IGFBP2: variants seen among roughly 807,000 people sequenced by gnomAD.
IGFBP2 encodes the protein insulin like growth factor binding protein 2, also known as insulin-like growth factor-binding protein 2.
A neutral mutation model predicts 26.2 loss-of-function variants in IGFBP2; 12 were observed. That is an observed-to-expected ratio of 0.46 (90% confidence interval 0.29 to 0.74). IGFBP2 has a LOEUF of 0.74. IGFBP2 is among the 30% of genes least tolerant of loss of function. IGFBP2 has a pLI of 0.09. For missense variants in IGFBP2, 328 were observed against 441.2 expected, an observed-to-expected ratio of 0.74 and a Z score of 2.30; for synonymous variants, 189 against 200.6, an observed-to-expected ratio of 0.94 and a Z score of 0.49.
chr2:216,646,687 C>A (rs760268217), intron 1 of IGFBP2, among the ~76,000 whole-genome samples: 65 of 152,176 alleles, frequency 4.3e-4, no homozygotes, highest in Non-Finnish European at 8.1e-4. Flanking sequence ...TGGTGGCAGA[C>A]AAGAGAGCTT....
Position 216,659,657 on chromosome 2 carries a change from C to A in IGFBP2, c.443-900C>A, listed in dbSNP as rs1697993929. The A allele has an allele frequency of 8.6e-6, 12 of 1,394,154 alleles. No homozygotes were observed. The Admixed American group carries it at 2.4e-4, about 27-fold the overall frequency. The allele number at this position is 1,394,154 out of a possible 1,614,324, so 86.4% of individuals were successfully genotyped here. A position where few individuals can be genotyped will look rare whatever the true frequency, so the allele number is the denominator to read the frequency against. On this transcript the variant is annotated intron_variant, in intron 1 of 3. Coordinates refer to ENST00000233809, the MANE Select transcript of IGFBP2 (RefSeq NM_000597.3). The stretch of plus-strand genomic sequence containing the variant: ...GGAGCTGTTTTCAAGGCCTCCTTCA[C>A]CTAGGCTGTGCATACAAAAGGTTGA...
chr2:216,661,101 C>CT (rs959568875), intron 2 of IGFBP2: 2,434 of 336,054 alleles, frequency 7.2e-3, no homozygotes, highest in South Asian at 0.013. Context: ...CTTGCTTACT[C>CT]TTTTTTTTTT....
At chr2:216,638,760 TGCGATCTCG>T (rs962115231) in intron 1 of IGFBP2, among the ~76,000 whole-genome samples, 1 of 146,186 alleles carries the variant, frequency 6.8e-6, no homozygotes, top group Non-Finnish European at 1.5e-5. Flanking sequence ...AGTGCAGTGG[TGCGATCTCG>T]GCTCACTGCA....
rs184906271 is a variant in IGFBP2, at chr2:216,655,794, C to T, written c.443-4763C>T. Among the ~76,000 whole-genome samples, 6 of 152,026 alleles carry T rather than the reference C, an allele frequency of 3.9e-5. No individual in the cohort carries two copies. The East Asian group carries it at 1.2e-3, about 30-fold the overall frequency. On this transcript the variant is annotated intron_variant, in intron 1 of 3. Coordinates refer to ENST00000233809, the MANE Select transcript of IGFBP2 (RefSeq NM_000597.3). ...CCTGTAGTTCCAGCTACTCGAGAAG[C>T]TGAGGCAGGAGAATTGCTCAAACCC...
intron 1 of IGFBP2, among the ~76,000 whole-genome samples, chr2:216,644,446 G>A (rs1697672818): frequency 6.6e-6 from 1 of 152,144 alleles, no homozygotes; most frequent in Non-Finnish European, 1.5e-5. Context: ...TGAGCTCTCT[G>A]AGCCAGGAAG....
At position 216,663,932 on chromosome 2, in the gene IGFBP2, C is replaced by A. The variant is rs549690196; in HGVS notation, c.814-8C>A. On this transcript the variant is annotated splice_region_variant and splice_polypyrimidine_tract_variant and intron_variant, in intron 3 of 3. Coordinates refer to ENST00000233809, the MANE Select transcript of IGFBP2 (RefSeq NM_000597.3). ...GGGCTCCTCCATGCTCTTCTCCTCT[C>A]TCCCCAGTGCAAGATGTCTCTGAAC... 1.2e-6 allele frequency: 2 copies of A among 1,613,094 alleles called. No homozygotes were observed. Among genetic ancestry groups the A allele is most frequent in the South Asian group, 2.2e-5 (2 of 90,866 alleles).
At chr2:216,661,106 T>C (rs1325504128) in intron 2 of IGFBP2, 3 of 359,848 alleles carry the variant, frequency 8.3e-6, no homozygotes, top group Non-Finnish European at 1.0e-5. Context: ...TTACTCTTTT[T>C]TTTTTCCTCC....
chr2:216,652,927 A>T (rs1395398681), intron 1 of IGFBP2, among the ~76,000 whole-genome samples: 1 of 152,086 alleles, frequency 6.6e-6, no homozygotes, highest in African/African-American at 2.4e-5. Context: ...GGCTTAGATC[A>T]TCTCTGTGGT....
In IGFBP2 at chr2:216,661,903, A is replaced by C. The variant is rs1222777571; in HGVS notation, c.718A>C (p.Thr240Pro). The C allele has an allele frequency of 1.2e-6, 2 of 1,614,154 alleles. No individual in the cohort carries two copies. The highest frequency in any genetic ancestry group is 1.7e-6 in the Non-Finnish European group (2 of 1,180,008). Residue 240 changes from threonine to proline, a missense_variant, in exon 3 of 4, where the codon ACC becomes CCC. Thr to Pro is a conservative substitution (Grantham distance 38). Coordinates refer to ENST00000233809, the MANE Select transcript of IGFBP2 (RefSeq NM_000597.3). The part of the protein sequence containing the change: ...ELDQVLERIS[T>P]MRLPDERGPL... ...GGACCAGGTCCTGGAGCGGATCTCC[A>C]CCATGCGCCTTCCGGATGAGCGGGG...
intron 1 of IGFBP2, among the ~76,000 whole-genome samples, chr2:216,641,498 C>T (rs1054637991): frequency 6.6e-6 from 1 of 152,290 alleles, no homozygotes; most frequent in Non-Finnish European, 1.5e-5. Flanking sequence ...TCCATCTCTT[C>T]ACCTATGAAT....
chr2:216,636,203 G>A (rs1264395647), intron 1 of IGFBP2, among the ~76,000 whole-genome samples: 2 of 152,094 alleles, frequency 1.3e-5, no homozygotes, highest in Non-Finnish European at 2.9e-5. Context: ...CCCAGACGGA[G>A]ATCTTAGCAC....
chr2:216,648,734 G>C (rs1268451300), intron 1 of IGFBP2, among the ~76,000 whole-genome samples: 1 of 152,086 alleles, frequency 6.6e-6, no homozygotes, highest in Non-Finnish European at 1.5e-5. Flanking sequence ...TCAGCCTCCT[G>C]AGTAGCTGGG....
Position 216,661,899 on chromosome 2 carries a change from C to T in IGFBP2, c.714C>T (p.Ile238=), listed in dbSNP as rs561523224. 9.9e-6 allele frequency: 16 copies of T among 1,614,094 alleles called. No individual in the cohort carries two copies. The highest frequency in any genetic ancestry group is 1.4e-5 in the Non-Finnish European group (16 of 1,180,036). The change falls in exon 3 of 4, where the codon ATC becomes ATT. Residue 238 remains isoleucine, a synonymous_variant. Coordinates refer to ENST00000233809, the MANE Select transcript of IGFBP2 (RefSeq NM_000597.3). ...AACTGGACCAGGTCCTGGAGCGGAT[C>T]TCCACCATGCGCCTTCCGGATGAGC... is the stretch of plus-strand genomic sequence containing the variant. ...QQELDQVLER[I]STMRLPDERG...
At chr2:216,661,398 C>T (rs1487061421) in intron 2 of IGFBP2, 5 of 296,452 alleles carry the variant, frequency 1.7e-5, no homozygotes, top group African/African-American at 6.7e-5. Context: ...GCCACTGCGC[C>T]TGGCCTGAAA....
In IGFBP2 at chr2:216,633,478, G is replaced by A. The variant is rs1315597924; in HGVS notation, c.-46G>A. Reference sequence around the variant, plus strand: ...GCAGGGCCGTGCCACCTGCCCGCCCGCCCGCTCGCTCGCTCGCCCGCCGCG... The same window carrying A: ...GCAGGGCCGTGCCACCTGCCCGCCCACCCGCTCGCTCGCTCGCCCGCCGCG... On this transcript the variant is annotated 5_prime_UTR_variant, in exon 1 of 4. Transcript: ENST00000233809. 3 of 480,448 alleles carry A rather than the reference G, an allele frequency of 6.2e-6. No individual in the cohort carries two copies. The highest frequency in any genetic ancestry group is 2.1e-5 in the African/African-American group (1 of 47,246). 29.8% of individuals were successfully genotyped at this position (480,448 alleles called of 1,614,324 possible).
At chr2:216,639,562 G>GTTT (rs34865196) in intron 1 of IGFBP2, among the ~76,000 whole-genome samples, 1 of 149,358 alleles carries the variant, frequency 6.7e-6, no homozygotes, top group Non-Finnish European at 1.5e-5. Flanking sequence ...AAAAAAGCTT[G>GTTT]TTTTTTTTTT....
chr2:216,647,621 A>ACG (rs1359098389), intron 1 of IGFBP2, among the ~76,000 whole-genome samples: 21 of 151,938 alleles, frequency 1.4e-4, no homozygotes, highest in African/African-American at 3.1e-4. Context: ...CCGGGTTTGC[A>ACG]CCATTCTCCT....
chr2:216,657,519 C>T (rs543928240), intron 1 of IGFBP2, among the ~76,000 whole-genome samples: 27 of 152,240 alleles, frequency 1.8e-4, no homozygotes, highest in Middle Eastern at 3.4e-3. Flanking sequence ...ATCTGCCGCA[C>T]GGTGGGGTGA....
intron 1 of IGFBP2, among the ~76,000 whole-genome samples, chr2:216,651,356 G>C (rs1319538469): frequency 6.6e-6 from 1 of 152,176 alleles, no homozygotes; most frequent in Non-Finnish European, 1.5e-5. Context: ...AAGAGGACTG[G>C]CTTCAAATTC....
Sources: gnomAD v4.1 joint callset for allele counts (sites outside exome capture counted in the v4.1 genomes callset) on GRCh38, gnomAD v4.1.1 for gene constraint, MANE v1.5 for transcripts, NCBI Gene and HGNC (gene_info 2026-07-23, HGNC 2026-07-21) for gene names.